UBE2H: variants seen among roughly 807,000 people sequenced by gnomAD.
The protein encoded by UBE2H is ubiquitin-conjugating enzyme E2 H.
UBE2H carries 3 observed loss-of-function variants against 29.0 expected under a neutral mutation model. The observed-to-expected ratio is 0.10, with a 90% confidence interval of 0.05 to 0.27. UBE2H has a LOEUF of 0.27. UBE2H is among the 10% of genes least tolerant of loss of function. The pLI, the probability that UBE2H is intolerant of heterozygous loss-of-function variation, is 1.00. For missense variants in UBE2H, 68 were observed against 228.2 expected (o/e 0.30, Z 4.52); for synonymous variants, 69 against 82.9 (o/e 0.83, Z 0.91).
chr7:129,917,800 C>G (rs1044237005), intron 1 of UBE2H, among the ~76,000 whole-genome samples: 2 of 152,164 alleles, frequency 1.3e-5, no homozygotes, highest in Non-Finnish European at 2.9e-5. Flanking sequence ...AAAAAGTTAA[C>G]CTACCTGCAT....
At chr7:129,933,376 A>G (rs866797201) in intron 1 of UBE2H, among the ~76,000 whole-genome samples, 13 of 152,320 alleles carry the variant, frequency 8.5e-5, no homozygotes, top group Non-Finnish European at 1.0e-4. Context: ...CAACTTATAA[A>G]ACAGGGTACT....
intron 1 of UBE2H, chr7:129,949,059 T>C (rs200997842): frequency 2.2e-5 from 10 of 456,434 alleles, no homozygotes; most frequent in Middle Eastern, 3.2e-4. Flanking sequence ...TTTGCCTGCA[T>C]ACGCTTTTCC....
At chr7:129,909,892 G>A (rs968995279) in intron 1 of UBE2H, among the ~76,000 whole-genome samples, 2 of 152,044 alleles carry the variant, frequency 1.3e-5, no homozygotes, top group East Asian at 3.9e-4. Context: ...GCAAACAGCT[G>A]ATTATATAAA....
intron 1 of UBE2H, among the ~76,000 whole-genome samples, chr7:129,902,114 C>G (rs182077180): frequency 6.6e-6 from 1 of 152,228 alleles, no homozygotes; most frequent in African/African-American, 2.4e-5. Context: ...ACAAAGAGTT[C>G]TAAGAAAAGG....
chr7:129,905,997 T>C (rs1263106376), intron 1 of UBE2H, among the ~76,000 whole-genome samples: 2 of 151,956 alleles, frequency 1.3e-5, no homozygotes, highest in African/African-American at 2.4e-5. Flanking sequence ...ATGTTCCATT[T>C]AGGACATGTT....
chr7:129,903,879 C>T (rs990971904), intron 1 of UBE2H, among the ~76,000 whole-genome samples: 1 of 152,180 alleles, frequency 6.6e-6, no homozygotes, highest in Non-Finnish European at 1.5e-5. Flanking sequence ...ACTCCAGCCT[C>T]GGCAATAGAG....
intron 1 of UBE2H, among the ~76,000 whole-genome samples, chr7:129,888,376 T>C (rs1057098486): frequency 1.8e-4 from 27 of 152,204 alleles, no homozygotes; most frequent in African/African-American, 5.5e-4. Flanking sequence ...TTAGGGACCA[T>C]TGCAGTGGCT....
At chr7:129,866,719 T>G (rs1805910859) in intron 3 of UBE2H, among the ~76,000 whole-genome samples, 1 of 152,220 alleles carries the variant, frequency 6.6e-6, no homozygotes, top group South Asian at 2.1e-4. Context: ...CCCAAAAATG[T>G]GTGTAACTGA....
At position 129,834,166 on chromosome 7, in the gene UBE2H, C is replaced by G. The variant is rs1230451661; in HGVS notation, c.*771G>C. 6.6e-6 allele frequency: 1 copy of G among 152,162 alleles called. No individual in the cohort carries two copies. Among genetic ancestry groups the G allele is most frequent in the Non-Finnish European group, 1.5e-5 (1 of 68,030 alleles). The allele number at this position is 152,162 out of a possible 1,614,324, so 9.4% of individuals were successfully genotyped here. On this transcript the variant is annotated 3_prime_UTR_variant, in exon 7 of 7. Coordinates refer to ENST00000355621, the MANE Select transcript of UBE2H (RefSeq NM_003344.4). ...GAAGCATCGTCCCAGTCACTTTTCT[C>G]CTCCTGTGCTGTCCTTTCAAAAACA...
chr7:129,918,001 ATTCTT>A (rs1394234924), intron 1 of UBE2H, among the ~76,000 whole-genome samples: 1 of 152,146 alleles, frequency 6.6e-6, no homozygotes, highest in Non-Finnish European at 1.5e-5. Flanking sequence ...GTTCACATCT[ATTCTT>A]TTAAGGCACT....
At chr7:129,863,670 C>T (rs916641981) in intron 3 of UBE2H, among the ~76,000 whole-genome samples, 2 of 152,112 alleles carry the variant, frequency 1.3e-5, no homozygotes, top group Non-Finnish European at 2.9e-5. Context: ...TAAAGAGCCA[C>T]AAAACAAACC....
chr7:129,900,433 A>G (rs1464308982), intron 1 of UBE2H, among the ~76,000 whole-genome samples: 1 of 152,198 alleles, frequency 6.6e-6, no homozygotes, highest in East Asian at 1.9e-4. Flanking sequence ...AAGATAATTC[A>G]TTGTATCTAT....
At chr7:129,886,384 T>G (rs771218885) in intron 1 of UBE2H, among the ~76,000 whole-genome samples, 6 of 152,188 alleles carry the variant, frequency 3.9e-5, no homozygotes, top group Non-Finnish European at 8.8e-5. Context: ...TGTCAAGAGA[T>G]AAATGACATT....
At chr7:129,868,586 CAAAAAAAAAA>C (rs11356893) in intron 3 of UBE2H, among the ~76,000 whole-genome samples, 33 of 69,528 alleles carry the variant, frequency 4.7e-4, no homozygotes, top group African/African-American at 2.0e-3. Flanking sequence ...GACTCCGTCT[CAAAAAAAAAA>C]AAAAAAAAAA....
At chr7:129,912,665 A>G (rs1175303531) in intron 1 of UBE2H, among the ~76,000 whole-genome samples, 2 of 152,192 alleles carry the variant, frequency 1.3e-5, no homozygotes, top group African/African-American at 4.8e-5. Context: ...AAAGTTTTGA[A>G]TTTTGGAGCA....
intron 1 of UBE2H, among the ~76,000 whole-genome samples, chr7:129,903,858 C>A (rs1467834538): frequency 6.6e-6 from 1 of 152,204 alleles, no homozygotes; most frequent in African/African-American, 2.4e-5. Context: ...GGTAGCTATG[C>A]TGGCATCTGT....
At chr7:129,933,380 G>C (rs1291734057) in intron 1 of UBE2H, among the ~76,000 whole-genome samples, 5 of 152,130 alleles carry the variant, frequency 3.3e-5, no homozygotes, top group Non-Finnish European at 7.4e-5. Context: ...TTATAAAACA[G>C]GGTACTAAAA....
chr7:129,895,420 C>T (rs1040482470), intron 1 of UBE2H, among the ~76,000 whole-genome samples: 2 of 152,140 alleles, frequency 1.3e-5, no homozygotes, highest in African/African-American at 4.8e-5. Flanking sequence ...ACAAGGAAAA[C>T]AAATCACAAC....
At chr7:129,914,802 A>G (rs1807011295) in intron 1 of UBE2H, among the ~76,000 whole-genome samples, 1 of 152,178 alleles carries the variant, frequency 6.6e-6, no homozygotes, top group Admixed American at 6.5e-5. Context: ...ATACAGACTG[A>G]GCTTATCTCT....
Sources: gnomAD v4.1 joint callset for allele counts (sites outside exome capture counted in the v4.1 genomes callset) on GRCh38, gnomAD v4.1.1 for gene constraint, MANE v1.5 for transcripts, NCBI Gene and HGNC (gene_info 2026-07-23, HGNC 2026-07-21) for gene names.